The following MARCHF1 variants were observed in gnomAD, a reference collection of about 807,000 sequenced individuals.
MARCHF1 encodes the protein membrane associated ring-CH-type finger 1.
Under a neutral mutation model 54.2 loss-of-function variants are expected in MARCHF1, and 40 were observed. That is an observed-to-expected ratio of 0.74 (90% CI 0.57 to 0.96). MARCHF1 has a LOEUF of 0.96. Ranked by LOEUF, MARCHF1 falls within the 40% of genes least tolerant of loss-of-function variation. The pLI, the probability that MARCHF1 is intolerant of heterozygous loss-of-function variation, is 0.00. For missense variants in MARCHF1, 586 were observed against 656.5 expected (o/e 0.89, Z 1.17); for synonymous variants, 236 against 236.3 (o/e 1.00, Z 0.01).
In MARCHF1 at chr4:164,081,102, A is replaced by G. The variant is rs1056112196; in HGVS notation, c.-248+30486T>C. Among the ~76,000 whole-genome samples, 8 of 139,906 alleles carry G rather than the reference A, an allele frequency of 5.7e-5. No individual in the cohort carries two copies. In the Admixed American group the frequency reaches 5.9e-4, roughly 10 times the overall value. The allele number at this position is 139,906 out of a possible 152,430, so 91.8% of individuals were successfully genotyped here. ...GGGCTCCTGTAGTCCCAGCTACTTG[A>G]GAGGCTGAGGCAGGAGAATGGCGTG... On this transcript the variant is annotated intron_variant, in intron 2 of 9. Coordinates refer to ENST00000514618, the MANE Select transcript of MARCHF1 (RefSeq NM_001394959.1).
chr4:163,737,539 C>T (rs1375176429), intron 4 of MARCHF1, among the ~76,000 whole-genome samples: 2 of 109,412 alleles, frequency 1.8e-5, no homozygotes, highest in African/African-American at 2.8e-5. Context: ...CTACAAAGGA[C>T]ATGAACTCAT....
intron 1 of MARCHF1, among the ~76,000 whole-genome samples, chr4:164,169,711 C>A (rs2110970561): frequency 1.3e-5 from 2 of 152,118 alleles, no homozygotes; most frequent in Middle Eastern, 6.8e-3. Flanking sequence ...GGTTTTAAAT[C>A]ATTTAAAGTT....
chr4:163,867,031 ACT>A (rs1750067410), intron 3 of MARCHF1, among the ~76,000 whole-genome samples: 1 of 151,690 alleles, frequency 6.6e-6, no homozygotes, highest in African/African-American at 2.4e-5. Flanking sequence ...CACTCACATG[ACT>A]CAGTCTCCAG....
intron 1 of MARCHF1, among the ~76,000 whole-genome samples, chr4:164,239,502 G>A (rs1287318852): frequency 6.6e-6 from 1 of 152,028 alleles, no homozygotes. Flanking sequence ...CATGTGGTTT[G>A]ACATGATTAT....
intron 2 of MARCHF1, among the ~76,000 whole-genome samples, chr4:164,011,745 C>A (rs184373512): frequency 1.3e-5 from 2 of 152,266 alleles, no homozygotes; most frequent in East Asian, 3.9e-4. Context: ...ATAGCACCTT[C>A]AATAGGAATC....
At chr4:163,926,310 T>C (rs1751536703) in intron 3 of MARCHF1, among the ~76,000 whole-genome samples, 1 of 151,726 alleles carries the variant, frequency 6.6e-6, no homozygotes, top group Non-Finnish European at 1.5e-5. Flanking sequence ...TTCATCCACA[T>C]TTTTGCAGTC....
intron 1 of MARCHF1, among the ~76,000 whole-genome samples, chr4:164,202,470 T>C (rs1731481435): frequency 6.6e-6 from 1 of 151,892 alleles, no homozygotes; most frequent in African/African-American, 2.4e-5. Context: ...AGCAGAAGAG[T>C]GGTATAAAAT....
chr4:164,051,493 G>A (rs757975977), intron 2 of MARCHF1, among the ~76,000 whole-genome samples: 10 of 152,022 alleles, frequency 6.6e-5, no homozygotes, highest in East Asian at 1.9e-4. Context: ...TCCTATATAC[G>A]CTGCTTTTCT....
At position 163,854,170 on chromosome 4, in the gene MARCHF1, C is replaced by A; in HGVS notation, c.-38-1G>T. 6.7e-7 allele frequency: 1 copy of A among 1,501,626 alleles called. No homozygotes were observed. The highest frequency in any genetic ancestry group is 8.9e-7 in the Non-Finnish European group (1 of 1,127,152). 93.0% of individuals were successfully genotyped at this position (1,501,626 alleles called of 1,614,324 possible). ...TTATCCCTTTTCAATTTCTGAAATT[C>A]TGAAAATAATTTACATTCCCTGAAA... is the stretch of plus-strand genomic sequence containing the variant. On this transcript the variant is annotated splice_acceptor_variant, in intron 3 of 9. Transcript: ENST00000514618. LOFTEE classifies it low-confidence loss of function (5UTR_SPLICE).
chr4:164,052,855 G>A (rs140505677), intron 2 of MARCHF1, among the ~76,000 whole-genome samples: 16 of 152,124 alleles, frequency 1.1e-4, no homozygotes, highest in African/African-American at 2.4e-4. Flanking sequence ...ACTTAGAATC[G>A]AGGTATTTAT....
intron 1 of MARCHF1, among the ~76,000 whole-genome samples, chr4:164,137,325 A>G (rs912423953): frequency 6.6e-5 from 10 of 152,308 alleles, no homozygotes; most frequent in Admixed American, 2.6e-4. Context: ...AAACTCCAGA[A>G]TATGTCAAAA....
At chr4:164,308,013 G>A (rs57397980) in intron 1 of MARCHF1, among the ~76,000 whole-genome samples, 14,575 of 152,102 alleles carry the variant, frequency 0.096, 1,678 homozygotes, top group African/African-American at 0.27. Flanking sequence ...TTATAGTTAC[G>A]CTGAATCTTT....
intron 1 of MARCHF1, among the ~76,000 whole-genome samples, chr4:164,378,836 C>A (rs2110981765): frequency 6.6e-6 from 1 of 152,236 alleles, no homozygotes; most frequent in African/African-American, 2.4e-5. Flanking sequence ...CTCAGCCTCC[C>A]AAGTAGCTGG....
At chr4:164,175,152 A>G (rs1730630243) in intron 1 of MARCHF1, among the ~76,000 whole-genome samples, 1 of 152,220 alleles carries the variant, frequency 6.6e-6, no homozygotes, top group Non-Finnish European at 1.5e-5. Flanking sequence ...ATATATGTCT[A>G]GATTTGTGCA....
intron 4 of MARCHF1, among the ~76,000 whole-genome samples, chr4:163,754,154 C>T (rs1175058112): frequency 6.6e-6 from 1 of 152,154 alleles, no homozygotes; most frequent in Admixed American, 6.5e-5. Flanking sequence ...TGATTTCATT[C>T]TTAGATCCCA....
At chr4:163,635,100 G>A (rs2111009062) in intron 5 of MARCHF1, among the ~76,000 whole-genome samples, 1 of 71,264 alleles carries the variant, frequency 1.4e-5, no homozygotes, top group Admixed American at 1.5e-4. Flanking sequence ...TCAAAGCAGT[G>A]TGTAGAGGGA....
chr4:164,111,459 A>G (rs1560909887), intron 2 of MARCHF1, 129 bp downstream of exon 2: 1 of 151,782 alleles, frequency 6.6e-6, no homozygotes, highest in Non-Finnish European at 1.5e-5. Context: ...ACAAAGTTTG[A>G]AAAAAATAAA....
intron 3 of MARCHF1, among the ~76,000 whole-genome samples, chr4:163,900,349 T>A (rs35944365): frequency 2.5e-3 from 244 of 97,006 alleles, no homozygotes; most frequent in African/African-American, 3.1e-3. Context: ...CTTTTTTTTT[T>A]TTAAAAAAAC....
chr4:164,038,381 T>C (rs768800344), intron 2 of MARCHF1, among the ~76,000 whole-genome samples: 45 of 152,212 alleles, frequency 3.0e-4, no homozygotes, highest in Non-Finnish European at 5.0e-4. Flanking sequence ...TAGTCCCAGC[T>C]ACTTGGGAGG....
Sources: allele counts gnomAD v4.1 joint callset (sites outside exome capture counted in the v4.1 genomes callset), GRCh38; gene constraint gnomAD v4.1.1; transcripts MANE v1.5; gene names NCBI Gene and HGNC (gene_info 2026-07-23, HGNC 2026-07-21).